Variants in ZDHHC21 observed in about 807,000 individuals in gnomAD.
ZDHHC21 encodes zDHHC palmitoyltransferase 21.
In ZDHHC21, 15 loss-of-function variants were observed where a neutral mutation model predicts 34.6. The ratio of observed to expected loss-of-function variants is 0.43; its 90% CI spans 0.29 to 0.67. The LOEUF is 0.67. Among genes scored for constraint, ZDHHC21 ranks in the 30% least tolerant of loss-of-function variants. ZDHHC21 has a pLI of 0.14. For missense variants in ZDHHC21, 344 were observed against 327.7 expected (o/e 1.05, Z -0.38); for synonymous variants, 142 against 101.8 (o/e 1.40, Z -2.38).
chr9:14,594,354 A>G, the ZDHHC21 span, among the ~76,000 whole-genome samples: 1 of 152,378 alleles, frequency 6.6e-6, no homozygotes, highest in Admixed American at 6.5e-5. Flanking sequence ...TGGTATTGTT[A>G]TAACGATAAG....
rs1408854032 is a variant in ZDHHC21, at chr9:14,616,819, CAAT to C, written c.*2144_*2146del. On this transcript the variant is annotated 3_prime_UTR_variant, in exon 10 of 10. Transcript: ENST00000380916. Reference sequence around the variant, plus strand: ...TTTTCTAGTATATTAGTTTGTAGTCCAATAATTTAGGGGAACTGAGTACAGAGG... The same window carrying C: ...TTTTCTAGTATATTAGTTTGTAGTCCAATTTAGGGGAACTGAGTACAGAGG... The C allele has an allele frequency of 6.6e-6, 1 of 151,330 alleles. No homozygotes were observed. Among genetic ancestry groups the C allele is most frequent in the Non-Finnish European group, 1.5e-5 (1 of 67,708 alleles). 9.4% of individuals were successfully genotyped at this position (151,330 alleles called of 1,614,324 possible). A position where few individuals can be genotyped will look rare whatever the true frequency, so the allele number is the denominator to read the frequency against.
intron 2 of ZDHHC21, among the ~76,000 whole-genome samples, chr9:14,681,988 G>A (rs1758593879): frequency 6.6e-6 from 1 of 152,046 alleles, no homozygotes; most frequent in Non-Finnish European, 1.5e-5. Context: ...ACAAGCAAAT[G>A]CTGAGAGATT....
rs1823491825 is a variant in ZDHHC21 at position 14,612,593 on chromosome 9, T to A, written c.*6373A>T. 6.6e-6 allele frequency: 1 copy of A among 151,898 alleles called. No individual in the cohort carries two copies. The highest frequency in any genetic ancestry group is 1.5e-5 in the Non-Finnish European group (1 of 67,888). 9.4% of individuals were successfully genotyped at this position (151,898 alleles called of 1,614,324 possible). A position where few individuals can be genotyped will look rare whatever the true frequency, so the allele number is the denominator to read the frequency against. ...ACTCTATGTAAAGTGAGTAACCATA[T>A]CCAGACTTTTTTCTTTCATTAAGTT... On this transcript the variant is annotated 3_prime_UTR_variant, in exon 10 of 10. Coordinates refer to ENST00000380916, the MANE Select transcript of ZDHHC21 (RefSeq NM_178566.6).
At chr9:14,673,902 A>G (rs968701694) in intron 4 of ZDHHC21, among the ~76,000 whole-genome samples, 3 of 152,030 alleles carry the variant, frequency 2.0e-5, no homozygotes, top group African/African-American at 4.8e-5. Context: ...TAATAAAAAT[A>G]CAGAGAGACA....
At chr9:14,598,631 G>T in the ZDHHC21 span, among the ~76,000 whole-genome samples, 1 of 151,594 alleles carries the variant, frequency 6.6e-6, no homozygotes, top group Non-Finnish European at 1.5e-5. Context: ...TGAAATGCCT[G>T]GAAAAAATGC....
At chr9:14,640,119 A>G in intron 7 of ZDHHC21, 107 bp from the exon 8 acceptor site, 1 of 568,508 alleles carries the variant, frequency 1.8e-6, no homozygotes, top group Non-Finnish European at 3.1e-6. Flanking sequence ...TTATTATCTT[A>G]AAAGAACTAC....
chr9:14,602,025 A>T, the ZDHHC21 span, among the ~76,000 whole-genome samples: 1 of 152,058 alleles, frequency 6.6e-6, no homozygotes, highest in African/African-American at 2.4e-5. Context: ...GAGGGATAGC[A>T]TTAGGAGAAA....
the ZDHHC21 span, among the ~76,000 whole-genome samples, chr9:14,592,573 G>C: frequency 6.6e-6 from 1 of 152,030 alleles, no homozygotes; most frequent in East Asian, 1.9e-4. Context: ...AATATTTAAA[G>C]ATTTCAATAC....
At chr9:14,621,590 T>C (rs1018725391) in intron 8 of ZDHHC21, among the ~76,000 whole-genome samples, 1 of 152,130 alleles carries the variant, frequency 6.6e-6, no homozygotes, top group African/African-American at 2.4e-5. Context: ...CTGGCCCAAA[T>C]AGGCTATTTT....
At chr9:14,637,324 A>G (rs139016523) in intron 8 of ZDHHC21, among the ~76,000 whole-genome samples, 71 of 152,188 alleles carry the variant, frequency 4.7e-4, no homozygotes, top group African/African-American at 1.6e-3. Context: ...CCAGACACAT[A>G]AAACCTACCA....
chr9:14,639,761 A>G (rs545796137), intron 8 of ZDHHC21, 135 bp downstream of exon 8: 1 of 501,860 alleles, frequency 2.0e-6, no homozygotes, highest in East Asian at 3.1e-5. Flanking sequence ...TTAAAATTAC[A>G]TAGGCACATG....
chr9:14,609,685 T>A (rs914444114), downstream of ZDHHC21, among the ~76,000 whole-genome samples: 10 of 152,096 alleles, frequency 6.6e-5, no homozygotes, highest in African/African-American at 2.4e-4. Flanking sequence ...ATGAACTTAA[T>A]TTTGTATGGC....
In ZDHHC21 at chr9:14,613,426, G is replaced by A. The variant is rs959812143; in HGVS notation, c.*5540C>T. 1 of 151,690 alleles carries A rather than the reference G, an allele frequency of 6.6e-6. No individual in the cohort carries two copies. The highest frequency in any genetic ancestry group is 1.5e-5 in the Non-Finnish European group (1 of 67,788). The allele number at this position is 151,690 out of a possible 1,614,324, so 9.4% of individuals were successfully genotyped here. A position where few individuals can be genotyped will look rare whatever the true frequency, so the allele number is the denominator to read the frequency against. Reference sequence around the variant, plus strand: ...CCAGTAGGTTAAAATATCATCCAATGTATACTGGCAAGAATATATAGCTTG... The same window carrying A: ...CCAGTAGGTTAAAATATCATCCAATATATACTGGCAAGAATATATAGCTTG... On this transcript the variant is annotated 3_prime_UTR_variant, in exon 10 of 10. Coordinates refer to ENST00000380916, the MANE Select transcript of ZDHHC21 (RefSeq NM_178566.6).
intron 7 of ZDHHC21, among the ~76,000 whole-genome samples, chr9:14,654,782 A>G (rs1216585600): frequency 6.6e-6 from 1 of 152,066 alleles, no homozygotes; most frequent in African/African-American, 2.4e-5. Flanking sequence ...AGTAAACCAG[A>G]GGATAAATTA....
chr9:14,619,888 A>AC (rs891746100), intron 8 of ZDHHC21, among the ~76,000 whole-genome samples: 24 of 151,554 alleles, frequency 1.6e-4, no homozygotes, highest in African/African-American at 4.4e-4. Flanking sequence ...CTATGCAAAA[A>AC]AAAACCTATT....
chr9:14,691,151 G>A (rs972535532), intron 1 of ZDHHC21, among the ~76,000 whole-genome samples: 1 of 152,150 alleles, frequency 6.6e-6, no homozygotes, highest in African/African-American at 2.4e-5. Flanking sequence ...CAGAAAAACA[G>A]CTCCATGTTG....
intron 9 of ZDHHC21, 44 bp downstream of exon 9, chr9:14,619,595 T>C (rs552877315): frequency 2.6e-5 from 34 of 1,326,250 alleles, no homozygotes; most frequent in Non-Finnish European, 3.4e-5. Flanking sequence ...TGTCCAGTTC[T>C]TTCCAATTTT....
At chr9:14,599,129 T>C in the ZDHHC21 span, among the ~76,000 whole-genome samples, 6 of 152,170 alleles carry the variant, frequency 3.9e-5, no homozygotes, top group Admixed American at 3.9e-4. Flanking sequence ...GCTGCCACCA[T>C]GTAAGAAGTG....
At chr9:14,638,905 G>A (rs544011207) in intron 8 of ZDHHC21, among the ~76,000 whole-genome samples, 122 of 152,112 alleles carry the variant, frequency 8.0e-4, no homozygotes, top group African/African-American at 2.7e-3. Context: ...CACTGTTGGT[G>A]GGAATGTAAA....
Sources: allele counts gnomAD v4.1 joint callset (sites outside exome capture counted in the v4.1 genomes callset), GRCh38; gene constraint gnomAD v4.1.1; transcripts MANE v1.5; gene names NCBI Gene and HGNC (gene_info 2026-07-23, HGNC 2026-07-21).